NALCN: variants seen among roughly 807,000 people sequenced by gnomAD.
The protein encoded by NALCN is sodium leak channel NALCN.
NALCN carries 111 observed loss-of-function variants against 225.3 expected under a neutral mutation model. The ratio of observed to expected loss-of-function variants is 0.49; its 90% CI spans 0.42 to 0.58. NALCN has a LOEUF of 0.58. Ranked by LOEUF, NALCN falls within the 20% of genes least tolerant of loss-of-function variation. The pLI, the probability that NALCN is intolerant of heterozygous loss-of-function variation, is 0.00. For synonymous variants in NALCN, 764 were observed against 769.0 expected (o/e 0.99, Z 0.11); for missense variants, 1,378 against 2,202.4 (o/e 0.63, Z 7.49).
chr13:101,380,963 T>C (rs2046833819), intron 3 of NALCN, among the ~76,000 whole-genome samples: 1 of 151,764 alleles, frequency 6.6e-6, no homozygotes, highest in Non-Finnish European at 1.5e-5. Flanking sequence ...ATCCAGCTAG[T>C]ATATAAAGCA....
At chr13:101,279,588 G>A (rs1362340662) in intron 10 of NALCN, among the ~76,000 whole-genome samples, 3 of 151,634 alleles carry the variant, frequency 2.0e-5, no homozygotes, top group Admixed American at 6.6e-5. Context: ...AGGCCGAGGC[G>A]GGCGGATCAC....
At chr13:101,308,295 G>A (rs2044221006) in intron 7 of NALCN, among the ~76,000 whole-genome samples, 1 of 152,172 alleles carries the variant, frequency 6.6e-6, no homozygotes, top group African/African-American at 2.4e-5. Flanking sequence ...CCTGCAAGGA[G>A]TTGTGGCCTT....
chr13:101,172,468 A>G (rs944287506), intron 15 of NALCN, among the ~76,000 whole-genome samples: 1 of 151,972 alleles, frequency 6.6e-6, no homozygotes, highest in Non-Finnish European at 1.5e-5. Flanking sequence ...TCACACCCTT[A>G]GCTTAAGGGC....
intron 14 of NALCN, among the ~76,000 whole-genome samples, chr13:101,188,722 T>C (rs1222624881): frequency 6.6e-6 from 1 of 151,716 alleles, no homozygotes; most frequent in Non-Finnish European, 1.5e-5. Flanking sequence ...TTCACTGTTG[T>C]TGCCCAGGCT....
chr13:101,167,395 T>C (rs2038490021), intron 15 of NALCN, among the ~76,000 whole-genome samples: 1 of 152,228 alleles, frequency 6.6e-6, no homozygotes, highest in Non-Finnish European at 1.5e-5. Context: ...ATAGGGTTTA[T>C]AAATTCATTA....
chr13:101,267,426 C>T (rs951314447), intron 10 of NALCN, among the ~76,000 whole-genome samples: 2 of 152,134 alleles, frequency 1.3e-5, no homozygotes, highest in African/African-American at 4.8e-5. Flanking sequence ...AACCCAGTGG[C>T]CTCCAATTGA....
At chr13:101,272,363 T>A (rs1594576013) in intron 10 of NALCN, among the ~76,000 whole-genome samples, 1 of 152,302 alleles carries the variant, frequency 6.6e-6, no homozygotes, top group Admixed American at 6.5e-5. Flanking sequence ...AGAATTTGGG[T>A]CTGCTGTGTG....
Position 101,100,672 on chromosome 13 carries a change from C to CTG in NALCN, c.3162+111_3162+112insCA, listed in dbSNP as rs113145864. ...CATAGCTCACTGCAACCTTGACCTC[C>CTG]AGTTTCAAGTAATCTTCCCTCCTTG... On this transcript the variant is annotated intron_variant, in intron 27 of 43. Coordinates refer to ENST00000251127, the MANE Select transcript of NALCN (RefSeq NM_052867.4). 586,294 of 816,884 alleles carry CTG rather than the reference C, an allele frequency of 0.72. 208,603 individuals carry two copies. Among genetic ancestry groups the CTG allele is most frequent in the African/African-American group, 0.74 (39,799 of 53,838 alleles). 50.6% of individuals were successfully genotyped at this position (816,884 alleles called of 1,614,324 possible). A position where few individuals can be genotyped will look rare whatever the true frequency, so the allele number is the denominator to read the frequency against.
intron 42 of NALCN, among the ~76,000 whole-genome samples, chr13:101,059,504 C>T (rs2031655450): frequency 1.3e-5 from 2 of 152,076 alleles, no homozygotes; most frequent in Admixed American, 1.3e-4. Context: ...CAAATGCAGC[C>T]CTTAGAGCTG....
intron 4 of NALCN, among the ~76,000 whole-genome samples, chr13:101,377,475 T>C (rs2046727081): frequency 6.6e-6 from 1 of 152,154 alleles, no homozygotes; most frequent in Non-Finnish European, 1.5e-5. Context: ...AAAATAATAA[T>C]TTGAAATGTT....
At chr13:101,095,245 T>C (rs979753985) in intron 28 of NALCN, among the ~76,000 whole-genome samples, 4 of 152,168 alleles carry the variant, frequency 2.6e-5, no homozygotes, top group African/African-American at 9.6e-5. Flanking sequence ...TCAGGATAAG[T>C]TTAGTTTTAA....
In NALCN at chr13:101,150,109, T is replaced by A. The variant is rs2037565602; in HGVS notation, c.1840-5213A>T. On this transcript the variant is annotated intron_variant, in intron 15 of 43. Transcript: ENST00000251127. ...TGTAAGAAATGTGGATTTCACAACA[T>A]AACATTGAGTGAAGGGAGCCAGACG... is the stretch of plus-strand genomic sequence containing the variant. 2.0e-5 allele frequency among the ~76,000 whole-genome samples: 3 copies of A among 151,902 alleles called. No individual in the cohort carries two copies. In the South Asian group the frequency reaches 6.2e-4, roughly 32 times the overall value.
At position 101,177,409 on chromosome 13, in the gene NALCN, G is replaced by GTATATATATATA. The variant is rs10624930; in HGVS notation, c.1765-1047_1765-1036dup. Among the ~76,000 whole-genome samples the GTATATATATATA allele has an allele frequency of 1.2e-3, 150 of 124,356 alleles. 3 individuals are homozygous for GTATATATATATA. The highest frequency in any genetic ancestry group is 4.7e-3 in the Middle Eastern group (1 of 214). 81.6% of individuals were successfully genotyped at this position (124,356 alleles called of 152,430 possible). Reference sequence around the variant, plus strand: ...AAACACATTATAACAGTAAATACGAGTATATATATATATATATATATATGG... The same window carrying GTATATATATATA: ...AAACACATTATAACAGTAAATACGAGTATATATATATATATATATATATATATATATATATGG... On this transcript the variant is annotated intron_variant, in intron 14 of 43. Transcript: ENST00000251127.
In NALCN at chr13:101,055,432, T is replaced by G. The variant is rs1432535505; in HGVS notation, c.5080A>C (p.Thr1694Pro). The change falls in exon 44 of 44, where the codon ACA becomes CCA. Residue 1694 changes from threonine to proline, a missense_variant. Physicochemically the swap from Thr to Pro is conservative, Grantham distance 38 (BLOSUM62 -1). This residue lies in a region of NALCN where 145 missense variants were observed against 169.6 expected (regional missense o/e 0.85). Transcript: ENST00000251127. ...TTGCACACGACAGATTTCATGGTTG[T>G]CCTTCCTCCAAACCGTAAGTTGACT... ...SSVNLRFGGR[T>P]TMKSVVCKMN... The G allele has an allele frequency of 5.6e-6, 9 of 1,614,032 alleles. No individual in the cohort carries two copies. Among genetic ancestry groups the G allele is most frequent in the Non-Finnish European group, 7.6e-6 (9 of 1,180,018 alleles).
In NALCN at chr13:101,107,572, A is replaced by T; in HGVS notation, c.2494T>A (p.Tyr832Asn). 1 of 1,614,158 alleles carries T rather than the reference A, an allele frequency of 6.2e-7. No homozygotes were observed. Residue 832 changes from tyrosine (Y) to asparagine (N), a missense_variant, in exon 22 of 44, where the codon TAC (tyrosine) becomes AAC (asparagine). By Grantham distance (143) the Tyr-to-Asn change is moderately radical (BLOSUM62 -2). Transcript: ENST00000251127. The part of the protein sequence containing the change: ...QEEELRENHP[Y>N]FDKPLFIVGR... Reference sequence around the variant, plus strand: ...ACAATGAACAGTGGCTTATCGAAGTATGGGTGGTTCTCTCTGAGTTCCTCT... The same window carrying T: ...ACAATGAACAGTGGCTTATCGAAGTTTGGGTGGTTCTCTCTGAGTTCCTCT...
At chr13:101,279,746 G>A (rs1471777142) in intron 10 of NALCN, among the ~76,000 whole-genome samples, 1 of 149,308 alleles carries the variant, frequency 6.7e-6, no homozygotes, top group Non-Finnish European at 1.5e-5. Context: ...GAACCCGGGA[G>A]GCGGAGCTTG....
At chr13:101,119,587 A>G (rs2035874135) in intron 18 of NALCN, among the ~76,000 whole-genome samples, 1 of 152,236 alleles carries the variant, frequency 6.6e-6, no homozygotes, top group African/African-American at 2.4e-5. Flanking sequence ...AGGAACGATA[A>G]TGCATTTTTT....
chr13:101,273,836 G>A (rs2042881547), intron 10 of NALCN, among the ~76,000 whole-genome samples: 1 of 135,048 alleles, frequency 7.4e-6, no homozygotes, highest in African/African-American at 2.9e-5. Flanking sequence ...AGTGAGCCAA[G>A]ATCACGCCAC....
intron 10 of NALCN, among the ~76,000 whole-genome samples, chr13:101,273,059 T>C (rs1220680651): frequency 6.6e-6 from 1 of 152,250 alleles, no homozygotes; most frequent in East Asian, 1.9e-4. Flanking sequence ...AGAGGGAAAC[T>C]GACATCCATT....
Sources: gnomAD v4.1 joint callset for allele counts (sites outside exome capture counted in the v4.1 genomes callset) on GRCh38, gnomAD v4.1.1 for gene constraint, gnomAD v4.1.1 regional missense constraint, MANE v1.5 for transcripts, NCBI Gene and HGNC (gene_info 2026-07-23, HGNC 2026-07-21) for gene names.